Variants in DPH6 observed in about 807,000 individuals in gnomAD.
DPH6 encodes diphthine--ammonia ligase.
Under a neutral mutation model 38.2 loss-of-function variants are expected in DPH6, and 33 were observed. That is an observed-to-expected ratio of 0.86 (90% confidence interval 0.65 to 1.15). The LOEUF is 1.15. DPH6 is among the 50% of genes most tolerant of loss of function. DPH6 has a pLI of 0.00. For synonymous variants in DPH6, 108 were observed against 103.0 expected, an observed-to-expected ratio of 1.05 and a Z score of -0.30; for missense variants, 325 against 320.0, an observed-to-expected ratio of 1.02 and a Z score of -0.12.
At chr15:35,436,509 C>CAAACAA (rs2053714138) in intron 5 of DPH6, among the ~76,000 whole-genome samples, 25 of 107,580 alleles carry the variant, frequency 2.3e-4, no homozygotes, top group Non-Finnish European at 3.3e-4. Flanking sequence ...CAAAACAAAA[C>CAAACAA]AAAACAAAAA....
At chr15:35,470,729 A>C (rs960568273) in intron 3 of DPH6, among the ~76,000 whole-genome samples, 5 of 152,184 alleles carry the variant, frequency 3.3e-5, no homozygotes, top group African/African-American at 1.2e-4. Flanking sequence ...AAGAATAACA[A>C]AGCCATGAGA....
At chr15:35,521,751 T>C in intron 3 of DPH6, 5 of 1,232,380 alleles carry the variant, frequency 4.1e-6, no homozygotes, top group South Asian at 4.1e-5. Context: ...TTGTGAGCAA[T>C]AGCTGCTAAA....
At chr15:35,520,984 T>G in intron 3 of DPH6, 1 of 985,188 alleles carries the variant, frequency 1.0e-6, no homozygotes, top group South Asian at 4.7e-5. Context: ...TTACAAATTC[T>G]CCAGTAATAT....
the DPH6 span, among the ~76,000 whole-genome samples, chr15:35,160,861 A>G: frequency 3.3e-5 from 5 of 151,972 alleles, no homozygotes; most frequent in Admixed American, 2.0e-4. Context: ...GAAGCTGGAA[A>G]CCATCATTCT....
chr15:35,157,412 T>C, the DPH6 span, among the ~76,000 whole-genome samples: 29 of 152,270 alleles, frequency 1.9e-4, no homozygotes, highest in Middle Eastern at 3.4e-3. Flanking sequence ...TTAATGTGTA[T>C]GTTTAAAATC....
rs182954819 is a variant in DPH6 at position 35,383,540 on chromosome 15, A to G, written c.568-1624T>C. Among the ~76,000 whole-genome samples, 8 of 152,356 alleles carry G rather than the reference A, an allele frequency of 5.3e-5. No individual in the cohort carries two copies. In the East Asian group the frequency reaches 1.5e-3, roughly 29 times the overall value. On this transcript the variant is annotated intron_variant, in intron 6 of 8. Coordinates refer to ENST00000256538, the MANE Select transcript of DPH6 (RefSeq NM_080650.4). ...AATATACTGTACTCTGTATTTTAACATCACACACTAATGACGCAACAGCGA... is the reference window on the plus strand; with the variant it reads ...AATATACTGTACTCTGTATTTTAACGTCACACACTAATGACGCAACAGCGA...
intron 3 of DPH6, among the ~76,000 whole-genome samples, chr15:35,320,425 A>G (rs2052229736): frequency 6.6e-6 from 1 of 152,138 alleles, no homozygotes; most frequent in South Asian, 2.1e-4. Context: ...CCCATAAGTC[A>G]GGGGAGACTC....
chr15:35,512,902 A>G (rs2054794637), intron 3 of DPH6, among the ~76,000 whole-genome samples: 1 of 152,144 alleles, frequency 6.6e-6, no homozygotes, highest in South Asian at 2.1e-4. Context: ...AAATGTAGAC[A>G]ATAATTTATG....
intron 3 of DPH6, among the ~76,000 whole-genome samples, chr15:35,305,901 T>A (rs1161169248): frequency 6.6e-6 from 1 of 152,148 alleles, no homozygotes; most frequent in African/African-American, 2.4e-5. Context: ...TTTGGGTAAT[T>A]GTATTGCTGG....
At chr15:35,433,479 T>A (rs78679427) in intron 5 of DPH6, among the ~76,000 whole-genome samples, 4,085 of 152,266 alleles carry the variant, frequency 0.027, 87 homozygotes, top group African/African-American at 0.061. Context: ...AAAAATCCCG[T>A]TGAGTCTCTC....
rs1477660290 is a variant in DPH6 at position 35,522,382 on chromosome 15, C to G, written c.312+15892G>C. ...TCTTTCACCACCAGTCAGGCTGTCTCTGCTTATTCAGTATTAATACAACAG... is the reference window on the plus strand; with the variant it reads ...TCTTTCACCACCAGTCAGGCTGTCTGTGCTTATTCAGTATTAATACAACAG... On this transcript the variant is annotated intron_variant, in intron 3 of 8. Transcript: ENST00000256538. 2.3e-5 allele frequency: 27 copies of G among 1,173,148 alleles called. No homozygotes were observed. The East Asian group carries it at 6.8e-4, about 30-fold the overall frequency. The allele number at this position is 1,173,148 out of a possible 1,614,324, so 72.7% of individuals were successfully genotyped here. A position where few individuals can be genotyped will look rare whatever the true frequency, so the allele number is the denominator to read the frequency against.
the DPH6 span, among the ~76,000 whole-genome samples, chr15:35,206,601 G>T: frequency 6.6e-6 from 1 of 152,158 alleles, no homozygotes; most frequent in African/African-American, 2.4e-5. Flanking sequence ...AGACCAAAGT[G>T]ATAGCTTAGT....
chr15:35,482,038 T>C (rs2054333461), intron 3 of DPH6, among the ~76,000 whole-genome samples: 2 of 152,226 alleles, frequency 1.3e-5, no homozygotes, highest in South Asian at 4.1e-4. Flanking sequence ...TGTGGCATCC[T>C]TGCCTGGAGC....
rs2141229947 is a variant in DPH6 at position 35,517,979 on chromosome 15, T to A, written c.312+20295A>T. Reference sequence around the variant, plus strand: ...ATTGATGAATTATGCCAGAAGTATGTTTGTTTTAATTGGTTCACAGAGAAA... The same window carrying A: ...ATTGATGAATTATGCCAGAAGTATGATTGTTTTAATTGGTTCACAGAGAAA... On this transcript the variant is annotated intron_variant, in intron 3 of 8. Coordinates refer to ENST00000256538, the MANE Select transcript of DPH6 (RefSeq NM_080650.4). 1.3e-5 allele frequency among the ~76,000 whole-genome samples: 2 copies of A among 152,202 alleles called. 1 individual carries two copies. Among genetic ancestry groups the A allele is most frequent in the South Asian group, 4.1e-4 (2 of 4,824 alleles).
chr15:35,514,865 T>G (rs1248416082), intron 3 of DPH6, among the ~76,000 whole-genome samples: 1 of 152,176 alleles, frequency 6.6e-6, no homozygotes, highest in African/African-American at 2.4e-5. Flanking sequence ...GACAGCATTT[T>G]TTGGAGAAAC....
intron 6 of DPH6, among the ~76,000 whole-genome samples, chr15:35,383,024 C>A (rs895870522): frequency 3.9e-5 from 6 of 152,056 alleles, no homozygotes; most frequent in Non-Finnish European, 8.8e-5. Context: ...TGCTATTCAC[C>A]CTTTCTAACA....
the DPH6 span, among the ~76,000 whole-genome samples, chr15:35,195,470 T>C: frequency 8.1e-4 from 124 of 152,244 alleles, no homozygotes; most frequent in Non-Finnish European, 1.5e-3. Context: ...CTTGCAAGCA[T>C]TGAATCCATA....
chr15:35,212,440 C>T (rs1207793814), downstream of DPH6, among the ~76,000 whole-genome samples: 1 of 152,046 alleles, frequency 6.6e-6, no homozygotes, highest in South Asian at 2.1e-4. Context: ...CAGGTTAGGG[C>T]TGATCCAATG....
chr15:35,486,423 A>T (rs2054398882), intron 3 of DPH6, among the ~76,000 whole-genome samples: 1 of 152,174 alleles, frequency 6.6e-6, no homozygotes, highest in Admixed American at 6.5e-5. Flanking sequence ...GGTAGGCCTC[A>T]GAAAACTTAC....
Sources: gnomAD v4.1 joint callset for allele counts (sites outside exome capture counted in the v4.1 genomes callset) on GRCh38, gnomAD v4.1.1 for gene constraint, MANE v1.5 for transcripts, NCBI Gene and HGNC (gene_info 2026-07-23, HGNC 2026-07-21) for gene names.